DOP1B: variants seen among roughly 807,000 people sequenced by gnomAD.
DOP1B encodes the protein DOP1 leucine zipper like protein B.
DOP1B carries 174 observed loss-of-function variants against 233.5 expected under a neutral mutation model. The ratio of observed to expected loss-of-function variants is 0.75; its 90% CI spans 0.66 to 0.85. The LOEUF (loss-of-function observed/expected upper bound fraction) is 0.85, where lower values mean the gene tolerates loss of function less well. Among genes scored for constraint, DOP1B ranks in the 40% least tolerant of loss-of-function variants. The pLI is 0.00. For synonymous variants in DOP1B, 1,190 were observed against 1,185.6 expected (o/e 1.00, Z -0.08); for missense variants, 2,652 against 2,846.6 (o/e 0.93, Z 1.56).
intron 30 of DOP1B, 141 bp downstream of exon 30, chr21:36,278,496 G>A (rs948333239): frequency 9.9e-6 from 8 of 805,654 alleles, no homozygotes; most frequent in Middle Eastern, 3.7e-4. Flanking sequence ...TCACAGGCTC[G>A]CATGTTGACC....
In DOP1B at chr21:36,225,591, G is replaced by A. The variant is rs775136760; in HGVS notation, c.1397G>A (p.Arg466Lys). Residue 466 changes from arginine (R) to lysine (K), a missense_variant, in exon 12 of 37, where the codon AGG (arginine) becomes AAG (lysine). This residue lies in a region of DOP1B where 2,617 missense variants were observed against 2,794.3 expected (regional missense o/e 0.94). Transcript: ENST00000691173. ...FRPVKQRYSV[R>K]NSVSPPPTVS... The stretch of plus-strand genomic sequence containing the variant: ...CCAGTGAAGCAGCGTTACAGCGTGA[G>A]GAACAGCGTCAGCCCTCCCCCCACG... 6.2e-7 allele frequency: 1 copy of A among 1,614,124 alleles called. No individual in the cohort carries two copies. Among genetic ancestry groups the A allele is most frequent in the African/African-American group, 1.3e-5 (1 of 75,024 alleles).
At chr21:36,259,353 C>T (rs935753169) in intron 23 of DOP1B, among the ~76,000 whole-genome samples, 9 of 151,804 alleles carry the variant, frequency 5.9e-5, no homozygotes, top group Admixed American at 5.9e-4. Context: ...TCACTGCAAC[C>T]TCTGCCTCCT....
Position 36,247,755 on chromosome 21 carries a change from C to G in DOP1B, c.4809+127C>G, listed in dbSNP as rs2066985415. 10 of 633,788 alleles carry G rather than the reference C, an allele frequency of 1.6e-5. No individual in the cohort carries two copies. The East Asian group carries it at 2.9e-4, about 19-fold the overall frequency. 39.3% of individuals were successfully genotyped at this position (633,788 alleles called of 1,614,324 possible). Reference sequence around the variant, plus strand: ...AACTAATATGCGTATGGAGGTGATGCAAATGTGAATGCAAATATTACATAA... The same window carrying G: ...AACTAATATGCGTATGGAGGTGATGGAAATGTGAATGCAAATATTACATAA... On this transcript the variant is annotated intron_variant, in intron 20 of 36. Coordinates refer to ENST00000691173, the MANE Select transcript of DOP1B (RefSeq NM_001320714.2).
chr21:36,202,240 C>G (rs998565428), intron 4 of DOP1B, among the ~76,000 whole-genome samples: 1 of 152,060 alleles, frequency 6.6e-6, no homozygotes, highest in African/African-American at 2.4e-5. Flanking sequence ...ACACAGTGAC[C>G]TTTGTTTCCG....
Position 36,245,123 on chromosome 21 carries a change from G to A in DOP1B, c.3143G>A (p.Ser1048Asn). 1 of 1,613,754 alleles carries A rather than the reference G, an allele frequency of 6.2e-7. No individual in the cohort carries two copies. The highest frequency in any genetic ancestry group is 8.5e-7 in the Non-Finnish European group (1 of 1,179,872). The change falls in exon 19 of 37, where the codon AGC becomes AAC. Residue 1048 changes from serine (S) to asparagine (N), a missense_variant. Transcript: ENST00000691173. The surrounding 1 kb of genome is among the most constrained non-coding windows in gnomAD (Gnocchi z 5.5). ...TGCGCAGTGCCCGAGCCTCAGGAGAGCGGCTCTGAAGAGCACCTGCCTCTG... is the reference window on the plus strand; with the variant it reads ...TGCGCAGTGCCCGAGCCTCAGGAGAACGGCTCTGAAGAGCACCTGCCTCTG... ...EACAVPEPQE[S>N]GSEEHLPLSQ...
At chr21:36,232,688 C>A in intron 14 of DOP1B, 116 bp from the exon 15 acceptor site, 1 of 1,414,378 alleles carries the variant, frequency 7.1e-7, no homozygotes, top group Non-Finnish European at 9.7e-7. Context: ...GCACTGCTGT[C>A]CAGGTGGATT....
At position 36,237,282 on chromosome 21, in the gene DOP1B, G is replaced by A. The variant is rs763124210; in HGVS notation, c.2643G>A (p.Trp881Ter). The change falls in exon 16 of 37, where the codon TGG becomes TGA. Residue 881 changes from tryptophan to a stop codon, truncating the protein, a stop_gained. Coordinates refer to ENST00000691173, the MANE Select transcript of DOP1B (RefSeq NM_001320714.2). LOFTEE classifies it high-confidence loss of function. ...CCCAGAGGGTGGCTCGTGTGCTTTG[G>A]AATCAGCTGAACAAAGAGACCCGGG... ...DFYQRVARVL[W>*]NQLNKETREH... The A allele has an allele frequency of 4.3e-6, 7 of 1,614,172 alleles. No homozygotes were observed. Among genetic ancestry groups the A allele is most frequent in the Non-Finnish European group, 5.9e-6 (7 of 1,180,034 alleles).
chr21:36,230,308 T>G (rs1366452460), intron 13 of DOP1B, 142 bp from the exon 14 acceptor site: 1 of 1,096,956 alleles, frequency 9.1e-7, no homozygotes, highest in African/African-American at 1.6e-5. Flanking sequence ...CTAAATTTCA[T>G]TATACACTTA....
At chr21:36,233,479 G>A (rs1274584123) in intron 15 of DOP1B, among the ~76,000 whole-genome samples, 1 of 152,186 alleles carries the variant, frequency 6.6e-6, no homozygotes, top group African/African-American at 2.4e-5. Context: ...CTGGGAGCTG[G>A]GGAAAGAGAG....
intron 26 of DOP1B, 97 bp from the exon 27 acceptor site, chr21:36,269,916 G>C: frequency 7.9e-7 from 1 of 1,271,704 alleles, no homozygotes; most frequent in Non-Finnish European, 1.1e-6. Context: ...TCACAGCTGT[G>C]GCCTGCATTT....
At chr21:36,180,296 C>T (rs6517334) in intron 2 of DOP1B, among the ~76,000 whole-genome samples, 36,982 of 152,066 alleles carry the variant, frequency 0.24, 4,973 homozygotes, top group African/African-American at 0.37. Context: ...TTGCTGGCCG[C>T]GGTGGCTCAT....
chr21:36,284,285 T>TTTTC (rs1370992712), intron 32 of DOP1B, among the ~76,000 whole-genome samples: 3 of 118,648 alleles, frequency 2.5e-5, no homozygotes, highest in Non-Finnish European at 3.5e-5. Flanking sequence ...TTTTTTTTTT[T>TTTTC]TTTGAGACGG....
intron 31 of DOP1B, among the ~76,000 whole-genome samples, 157 bp downstream of exon 31, chr21:36,280,503 A>C (rs1271878086): frequency 6.6e-6 from 1 of 152,218 alleles, no homozygotes; most frequent in East Asian, 1.9e-4. Context: ...GCAGGACTAA[A>C]TCAATGAGTC....
chr21:36,240,061 A>C lies in DOP1B; in HGVS notation c.3067+106A>C. The C allele has an allele frequency of 2.4e-6, 3 of 1,275,956 alleles. No homozygotes were observed. The South Asian group carries it at 4.7e-5, about 20-fold the overall frequency. 79.0% of individuals were successfully genotyped at this position (1,275,956 alleles called of 1,614,324 possible). A position where few individuals can be genotyped will look rare whatever the true frequency, so the allele number is the denominator to read the frequency against. ...GAGGCCCACTAGGGGGTTTTGTTAGATGCAAATGGTACTTTGTAAATTGTG... is the reference window on the plus strand; with the variant it reads ...GAGGCCCACTAGGGGGTTTTGTTAGCTGCAAATGGTACTTTGTAAATTGTG... On this transcript the variant is annotated intron_variant, in intron 18 of 36. Transcript: ENST00000691173.
In DOP1B at chr21:36,164,826, G is replaced by T. The variant is rs374373110; in HGVS notation, c.93G>T (p.Ser31=). Residue 31 remains serine, a synonymous_variant, in exon 2 of 37, where the codon TCG becomes TCT. Coordinates refer to ENST00000691173, the MANE Select transcript of DOP1B (RefSeq NM_001320714.2). The part of the protein sequence containing the change: ...IEKALRNFES[S]SEWADLISSL... ...AGGCTTTGAGAAATTTTGAGTCCTC[G>T]AGTGAATGGGCGGATCTCATATCTT... 3.1e-6 allele frequency: 5 copies of T among 1,612,574 alleles called. No individual in the cohort carries two copies. Among genetic ancestry groups the T allele is most frequent in the Non-Finnish European group, 4.2e-6 (5 of 1,179,334 alleles).
chr21:36,245,605 A>C lies in DOP1B; in HGVS notation c.3625A>C (p.Arg1209=). ...DLELQALTTS[R]LLKQQRERQE... ...GGAGCTCCAGGCCCTCACCACATCC[A>C]GGCTGCTAAAGCAGCAGCGGGAAAG... is the stretch of plus-strand genomic sequence containing the variant. The change falls in exon 19 of 37, where the codon AGG becomes CGG. Residue 1209 remains arginine, a synonymous_variant. Transcript: ENST00000691173. This position sits in a 1 kb window ranked among gnomAD's most constrained non-coding sequence, Gnocchi z 5.5. 2 of 1,613,392 alleles carry C rather than the reference A, an allele frequency of 1.2e-6. No individual in the cohort carries two copies. The highest frequency in any genetic ancestry group is 1.7e-6 in the Non-Finnish European group (2 of 1,179,874).
intron 32 of DOP1B, 103 bp from the exon 33 acceptor site, chr21:36,287,908 GGTT>G: frequency 7.2e-7 from 1 of 1,393,356 alleles, no homozygotes; most frequent in Non-Finnish European, 9.7e-7. Context: ...CCTTACACTG[GGTT>G]GTTACTAGAA....
chr21:36,245,715 G>C lies in DOP1B; in HGVS notation c.3735G>C (p.Ser1245=). The change falls in exon 19 of 37, where the codon TCG becomes TCC. Residue 1245 remains serine, a synonymous_variant. Transcript: ENST00000691173. This position sits in a 1 kb window ranked among gnomAD's most constrained non-coding sequence, Gnocchi z 5.5. ...CTCGGCGGGTCCTCTATGCCTTCTC[G>C]GTGCTGGAGGCTGTGCTCAAAACCA... ...YDSRRVLYAF[S]VLEAVLKTNP... is the part of the protein sequence containing the mutation. 1 of 1,613,686 alleles carries C rather than the reference G, an allele frequency of 6.2e-7. No homozygotes were observed. Among genetic ancestry groups the C allele is most frequent in the Non-Finnish European group, 8.5e-7 (1 of 1,179,978 alleles).
At chr21:36,261,936 A>G (rs2284635) in intron 24 of DOP1B, 531,140 of 976,546 alleles carry the variant, frequency 0.54, 145,806 homozygotes, top group African/African-American at 0.67. Context: ...TGGGGGTGGG[A>G]AGGGTATAGA....
Sources: allele counts gnomAD v4.1 joint callset (sites outside exome capture counted in the v4.1 genomes callset), GRCh38; gene constraint gnomAD v4.1.1; regional missense constraint gnomAD v4.1.1; non-coding constraint Gnocchi (gnomAD v3.1); transcripts MANE v1.5; gene names NCBI Gene and HGNC (gene_info 2026-07-23, HGNC 2026-07-21).